Variants in GALNTL6 observed in about 807,000 individuals in gnomAD.
GALNTL6 encodes the protein polypeptide N-acetylgalactosaminyltransferase-like 6.
Under a neutral mutation model 73.7 loss-of-function variants are expected in GALNTL6, and 46 were observed. The ratio of observed to expected loss-of-function variants is 0.62; its 90% CI spans 0.49 to 0.80. The LOEUF (loss-of-function observed/expected upper bound fraction) is 0.80, where lower values mean the gene tolerates loss of function less well. Among genes scored for constraint, GALNTL6 ranks in the 30% least tolerant of loss-of-function variants. The probability of loss-of-function intolerance (pLI) is 0.00; values close to 1 mark genes in which losing one functional copy is unlikely to be tolerated. For missense variants in GALNTL6, 604 were observed against 755.0 expected, an observed-to-expected ratio of 0.80 and a Z score of 2.34; for synonymous variants, 259 against 263.7, an observed-to-expected ratio of 0.98 and a Z score of 0.17.
At chr4:172,498,215 C>T (rs1397567560) in intron 5 of GALNTL6, among the ~76,000 whole-genome samples, 1 of 151,954 alleles carries the variant, frequency 6.6e-6, no homozygotes, top group African/African-American at 2.4e-5. Context: ...GTCTCTATCT[C>T]TTGACCTCGT....
chr4:172,733,726 G>A (rs1418993239), intron 5 of GALNTL6, among the ~76,000 whole-genome samples: 1 of 152,154 alleles, frequency 6.6e-6, no homozygotes, highest in Admixed American at 6.5e-5. Flanking sequence ...CTTCCGCCAT[G>A]ATTGTGAGGC....
At chr4:172,143,629 C>T (rs1733854989) in intron 2 of GALNTL6, among the ~76,000 whole-genome samples, 1 of 151,954 alleles carries the variant, frequency 6.6e-6, no homozygotes, top group African/African-American at 2.4e-5. Context: ...ATATTGTTAT[C>T]TGCCTTCCCC....
chr4:171,988,646 CT>C (rs1312898160), intron 2 of GALNTL6, among the ~76,000 whole-genome samples: 1 of 152,150 alleles, frequency 6.6e-6, no homozygotes, highest in Admixed American at 6.5e-5. Context: ...ACCTGTAAGC[CT>C]TGCCTGGTTT....
intron 2 of GALNTL6, among the ~76,000 whole-genome samples, chr4:171,970,211 G>A (rs1739525363): frequency 8.9e-6 from 1 of 112,184 alleles, no homozygotes; most frequent in South Asian, 3.2e-4. Context: ...ATCAACCCTA[G>A]CCATGGCCAG....
At chr4:172,673,057 G>GCATTGGGA (rs1225182522) in intron 5 of GALNTL6, among the ~76,000 whole-genome samples, 1 of 151,774 alleles carries the variant, frequency 6.6e-6, no homozygotes, top group Non-Finnish European at 1.5e-5. Context: ...TTCTTCTCTT[G>GCATTGGGA]CATTGGGATT....
chr4:172,708,887 A>T lies in GALNTL6; in HGVS notation c.554-100474A>T, dbSNP rs544846157. Among the ~76,000 whole-genome samples, 214 of 152,168 alleles carry T rather than the reference A, an allele frequency of 1.4e-3. 1 individual carries two copies. Among genetic ancestry groups the T allele is most frequent in the African/African-American group, 4.9e-3 (205 of 41,538 alleles). On this transcript the variant is annotated intron_variant, in intron 5 of 12. Transcript: ENST00000506823. ...CAAACTCTTTACTTCTTTATTGTGC[A>T]TTTGTTATTTGAGATGCCTTAAGGA...
At chr4:172,688,987 G>A (rs1733099884) in intron 5 of GALNTL6, among the ~76,000 whole-genome samples, 1 of 101,494 alleles carries the variant, frequency 9.9e-6, no homozygotes, top group African/African-American at 3.8e-5. Flanking sequence ...AGCCACAATG[G>A]GAGTATTTAC....
chr4:172,342,264 A>G (rs1228672120), intron 4 of GALNTL6, among the ~76,000 whole-genome samples: 1 of 151,934 alleles, frequency 6.6e-6, no homozygotes, highest in African/African-American at 2.4e-5. Context: ...ATATAATTTA[A>G]TTAATTTAAT....
At chr4:171,967,501 G>A (rs1739427445) in intron 2 of GALNTL6, among the ~76,000 whole-genome samples, 1 of 132,426 alleles carries the variant, frequency 7.6e-6, no homozygotes, top group African/African-American at 2.8e-5. Context: ...TATTCTCAGA[G>A]AAAATATATT....
intron 9 of GALNTL6, among the ~76,000 whole-genome samples, chr4:172,935,707 A>G (rs1181210517): frequency 2.6e-5 from 4 of 152,216 alleles, no homozygotes; most frequent in Admixed American, 6.5e-5. Flanking sequence ...TCCTGGACAC[A>G]TATACCCTCC....
intron 2 of GALNTL6, among the ~76,000 whole-genome samples, chr4:172,216,402 G>A (rs1194108236): frequency 1.3e-5 from 2 of 150,510 alleles, no homozygotes; most frequent in Admixed American, 6.6e-5. Context: ...CTAAAAATAT[G>A]TCCTTTAGAA....
chr4:171,957,879 C>G (rs867989368), intron 2 of GALNTL6, among the ~76,000 whole-genome samples: 2 of 152,092 alleles, frequency 1.3e-5, no homozygotes, highest in African/African-American at 2.4e-5. Flanking sequence ...TATTTTCTAG[C>G]GGGAATCCTA....
chr4:172,443,233 T>G (rs2111405547), intron 5 of GALNTL6, among the ~76,000 whole-genome samples: 1 of 147,380 alleles, frequency 6.8e-6, no homozygotes, highest in Admixed American at 6.9e-5. Context: ...TGGCACGATT[T>G]CAGCTCACTG....
chr4:172,905,978 C>A (rs974032912), intron 8 of GALNTL6, among the ~76,000 whole-genome samples: 1 of 152,102 alleles, frequency 6.6e-6, no homozygotes, highest in Non-Finnish European at 1.5e-5. Context: ...ACCACAGCTA[C>A]AAATCTCACT....
chr4:172,429,733 G>A (rs1731369748), intron 5 of GALNTL6, among the ~76,000 whole-genome samples: 3 of 152,098 alleles, frequency 2.0e-5, no homozygotes, highest in African/African-American at 7.2e-5. Context: ...AAGATAAGGA[G>A]GAAAACAAGA....
At chr4:171,872,571 G>A (rs1016761898) in intron 2 of GALNTL6, among the ~76,000 whole-genome samples, 3 of 152,108 alleles carry the variant, frequency 2.0e-5, no homozygotes, top group Non-Finnish European at 2.9e-5. Context: ...AGTTCTGAAG[G>A]CCACAAGTCT....
At chr4:172,854,787 T>A (rs1393544299) in intron 7 of GALNTL6, among the ~76,000 whole-genome samples, 1 of 152,206 alleles carries the variant, frequency 6.6e-6, no homozygotes, top group Admixed American at 6.5e-5. Flanking sequence ...TGTACTATAG[T>A]GAGTTATATG....
chr4:171,818,831 C>G (rs1199736142), intron 2 of GALNTL6, among the ~76,000 whole-genome samples: 1 of 151,852 alleles, frequency 6.6e-6, no homozygotes, highest in Non-Finnish European at 1.5e-5. Flanking sequence ...AAAAGGATAC[C>G]TTAGCATCTT....
At chr4:171,967,797 G>A (rs1207994337) in intron 2 of GALNTL6, among the ~76,000 whole-genome samples, 1 of 151,906 alleles carries the variant, frequency 6.6e-6, no homozygotes, top group Non-Finnish European at 1.5e-5. Context: ...TGAAACCCTT[G>A]AGTACTCTGA....
Sources: gnomAD v4.1 joint callset for allele counts (sites outside exome capture counted in the v4.1 genomes callset) on GRCh38, gnomAD v4.1.1 for gene constraint, MANE v1.5 for transcripts, NCBI Gene and HGNC (gene_info 2026-07-23, HGNC 2026-07-21) for gene names.